Variants in COL5A2 observed in about 807,000 individuals in gnomAD.
The protein encoded by COL5A2 is collagen type V alpha 2 chain.
In COL5A2, 23 loss-of-function variants were observed where a neutral mutation model predicts 208.2. That is an observed-to-expected ratio of 0.11 (90% CI 0.08 to 0.16). COL5A2 has a LOEUF of 0.16. COL5A2 is among the 10% of genes least tolerant of loss of function. The pLI is 1.00. For missense variants in COL5A2, 1,590 were observed against 1,956.4 expected (o/e 0.81, Z 3.53); for synonymous variants, 625 against 628.5 (o/e 0.99, Z 0.08).
chr2:189,217,982 C>T (rs1689299925), intron 1 of COL5A2, among the ~76,000 whole-genome samples: 2 of 152,160 alleles, frequency 1.3e-5, no homozygotes, highest in Admixed American at 1.3e-4. Flanking sequence ...ATCCACGAAA[C>T]AGCATCCATG....
chr2:189,148,799 T>C lies in COL5A2; in HGVS notation c.97+30709A>G, dbSNP rs532687851. On this transcript the variant is annotated intron_variant, in intron 1 of 53. Coordinates refer to ENST00000374866, the MANE Select transcript of COL5A2 (RefSeq NM_000393.5). ...AAAAATGGAAATTCCCAAAATATAT[T>C]AGTGGTCATTAAGCTCATTTTAATG... Among the ~76,000 whole-genome samples the C allele has an allele frequency of 8.5e-5, 13 of 152,298 alleles. No individual in the cohort carries two copies. In the South Asian group the frequency reaches 2.7e-3, roughly 32 times the overall value.
At chr2:189,230,353 G>C in the COL5A2 span, among the ~76,000 whole-genome samples, 1 of 151,716 alleles carries the variant, frequency 6.6e-6, no homozygotes, top group African/African-American at 2.4e-5. Context: ...AAAAACTTCT[G>C]CCCAGCAAAG....
the COL5A2 span, among the ~76,000 whole-genome samples, chr2:189,320,610 T>C: frequency 1.3e-5 from 2 of 151,990 alleles, no homozygotes; most frequent in Non-Finnish European, 2.9e-5. Context: ...AAAAGAAGTT[T>C]AGAGAAAAAA....
At chr2:189,034,343 G>T (rs1034532348) in intron 53 of COL5A2, 127 bp from the exon 54 acceptor site, 2 of 972,248 alleles carry the variant, frequency 2.1e-6, no homozygotes, top group African/African-American at 1.6e-5. Flanking sequence ...TAAAAAAAAG[G>T]AATGAAAACA....
At chr2:189,098,581 C>G in intron 5 of COL5A2, 146 bp downstream of exon 5, 1 of 678,508 alleles carries the variant, frequency 1.5e-6, no homozygotes, top group Non-Finnish European at 2.6e-6. Context: ...CAATGTCTAA[C>G]TTGAAGATGG....
chr2:189,334,514 G>T, the COL5A2 span, among the ~76,000 whole-genome samples: 42,817 of 151,578 alleles, frequency 0.28, 6,294 homozygotes, highest in African/African-American at 0.34. Context: ...AATTACATGC[G>T]AAAGACTAAA....
At chr2:189,436,649 AC>A in the COL5A2 span, among the ~76,000 whole-genome samples, 1 of 152,190 alleles carries the variant, frequency 6.6e-6, no homozygotes, top group African/African-American at 2.4e-5. Context: ...GTACATATAC[AC>A]TATGGAATAC....
chr2:189,097,332 TA>T lies in COL5A2; in HGVS notation c.403-3del. ...TGGTCCCTGTGATCCTGGAGGTCCC[TA>T]AAACAGAAAATGATGATTATGCATG... On this transcript the variant is annotated splice_region_variant and splice_polypyrimidine_tract_variant and intron_variant, in intron 5 of 53. Transcript: ENST00000374866. The T allele has an allele frequency of 6.2e-7, 1 of 1,614,058 alleles. No individual in the cohort carries two copies.
chr2:189,145,130 A>G (rs1486354833), intron 1 of COL5A2, among the ~76,000 whole-genome samples: 2 of 152,174 alleles, frequency 1.3e-5, no homozygotes, highest in Admixed American at 6.5e-5. Flanking sequence ...CCATGTTTGT[A>G]TAAAAACTTT....
At chr2:189,071,597 C>A (rs1036451845) in intron 18 of COL5A2, among the ~76,000 whole-genome samples, 1 of 152,100 alleles carries the variant, frequency 6.6e-6, no homozygotes, top group Non-Finnish European at 1.5e-5. Flanking sequence ...AGAGTGATAA[C>A]AAATGTTAGG....
intron 1 of COL5A2, among the ~76,000 whole-genome samples, chr2:189,150,824 A>G (rs1379535263): frequency 1.3e-5 from 2 of 152,128 alleles, no homozygotes; most frequent in African/African-American, 4.8e-5. Context: ...TTTCTTAGGA[A>G]TTTCTTCTAT....
At chr2:189,360,691 C>T in the COL5A2 span, among the ~76,000 whole-genome samples, 2 of 152,062 alleles carry the variant, frequency 1.3e-5, no homozygotes, top group African/African-American at 4.8e-5. Flanking sequence ...AAACATGTGC[C>T]ATGGTGGTTT....
chr2:189,157,086 A>G (rs1468739254), intron 1 of COL5A2, among the ~76,000 whole-genome samples: 4 of 151,596 alleles, frequency 2.6e-5, no homozygotes, highest in African/African-American at 9.7e-5. Context: ...GCAAAATTTA[A>G]TGAAACTTCC....
the COL5A2 span, among the ~76,000 whole-genome samples, chr2:189,287,470 C>G: frequency 6.6e-6 from 1 of 151,820 alleles, no homozygotes; most frequent in Non-Finnish European, 1.5e-5. Flanking sequence ...TGAAAAAGCC[C>G]CTTCTCTATT....
chr2:189,320,450 C>T, the COL5A2 span, among the ~76,000 whole-genome samples: 2 of 152,144 alleles, frequency 1.3e-5, no homozygotes, highest in Non-Finnish European at 2.9e-5. Context: ...ACTAGAATAA[C>T]CAATGCAGAG....
the COL5A2 span, among the ~76,000 whole-genome samples, chr2:189,277,179 G>A: frequency 6.6e-6 from 1 of 152,106 alleles, no homozygotes; most frequent in Non-Finnish European, 1.5e-5. Flanking sequence ...ACTATACTAA[G>A]TGATGAATAA....
the COL5A2 span, among the ~76,000 whole-genome samples, chr2:189,306,913 T>C: frequency 1.0e-3 from 153 of 152,316 alleles, 1 homozygote; most frequent in Middle Eastern, 6.8e-3. Context: ...AAGTGTAAAA[T>C]GTAATTATAC....
intron 17 of COL5A2, 57 bp from the exon 18 acceptor site, chr2:189,072,150 G>C: frequency 1.6e-6 from 2 of 1,250,996 alleles, no homozygotes; most frequent in Non-Finnish European, 2.3e-6. Flanking sequence ...ATCTAATTAG[G>C]TCATTTTTTA....
intron 1 of COL5A2, among the ~76,000 whole-genome samples, chr2:189,171,822 AG>A (rs1688579438): frequency 1.3e-5 from 2 of 152,212 alleles, no homozygotes; most frequent in Admixed American, 6.5e-5. Flanking sequence ...GCCTAGGAAG[AG>A]AATATCCAGA....
Sources: allele counts gnomAD v4.1 joint callset (sites outside exome capture counted in the v4.1 genomes callset), GRCh38; gene constraint gnomAD v4.1.1; transcripts MANE v1.5; gene names NCBI Gene and HGNC (gene_info 2026-07-23, HGNC 2026-07-21).